The following MAST4 variants were observed in gnomAD, a reference collection of about 807,000 sequenced individuals.
MAST4 encodes microtubule associated serine/threonine kinase family member 4, also known as microtubule-associated serine/threonine-protein kinase 4.
Under a neutral mutation model 162.7 loss-of-function variants are expected in MAST4, and 89 were observed. The observed-to-expected ratio is 0.55, with a 90% CI of 0.46 to 0.65. MAST4 has a LOEUF of 0.65. Ranked by LOEUF, MAST4 falls within the 30% of genes least tolerant of loss-of-function variation. The pLI, the probability that MAST4 is intolerant of heterozygous loss-of-function variation, is 0.00. For missense variants in MAST4, 3,153 were observed against 3,374.0 expected, an observed-to-expected ratio of 0.93 and a Z score of 1.62; for synonymous variants, 1,479 against 1,361.1, an observed-to-expected ratio of 1.09 and a Z score of -1.91.
chr5:67,064,046 A>T (rs996259203), intron 5 of MAST4, among the ~76,000 whole-genome samples: 1 of 152,188 alleles, frequency 6.6e-6, no homozygotes, highest in South Asian at 2.1e-4. Context: ...TTGTTGTTAC[A>T]TAGGTCTGAA....
chr5:66,960,956 C>T (rs899442413), intron 4 of MAST4, among the ~76,000 whole-genome samples: 8 of 152,100 alleles, frequency 5.3e-5, no homozygotes, highest in Admixed American at 2.0e-4. Context: ...CAGGCCACGC[C>T]CCCTCCTTCT....
At chr5:66,599,892 C>T (rs1362332642) in intron 1 of MAST4, among the ~76,000 whole-genome samples, 4 of 150,942 alleles carry the variant, frequency 2.7e-5, no homozygotes, top group Non-Finnish European at 5.9e-5. Flanking sequence ...TTATGTCTAG[C>T]TTGGGAAATT....
At chr5:66,949,633 A>T (rs1053153347) in intron 4 of MAST4, among the ~76,000 whole-genome samples, 2 of 152,164 alleles carry the variant, frequency 1.3e-5, no homozygotes, top group Non-Finnish European at 2.9e-5. Flanking sequence ...ACAGGCAAGT[A>T]TTTAATTATT....
At chr5:67,024,334 T>TACACACAC (rs545603018) in intron 4 of MAST4, among the ~76,000 whole-genome samples, 2 of 133,292 alleles carry the variant, frequency 1.5e-5, no homozygotes, top group African/African-American at 3.4e-5. Flanking sequence ...TCTATATATA[T>TACACACAC]ATACACACAC....
chr5:66,675,927 C>G (rs1481231478), intron 1 of MAST4, among the ~76,000 whole-genome samples: 1 of 152,162 alleles, frequency 6.6e-6, no homozygotes, highest in Non-Finnish European at 1.5e-5. Context: ...AAAAGTTTGA[C>G]ATCTTTTTAA....
intron 1 of MAST4, among the ~76,000 whole-genome samples, chr5:66,757,550 A>G (rs1218154354): frequency 6.6e-6 from 1 of 152,194 alleles, no homozygotes; most frequent in Non-Finnish European, 1.5e-5. Context: ...GATTTGAGAC[A>G]CCTTATAAGA....
intron 3 of MAST4, among the ~76,000 whole-genome samples, chr5:66,832,883 C>T (rs1757710658): frequency 6.6e-6 from 1 of 152,142 alleles, no homozygotes; most frequent in Non-Finnish European, 1.5e-5. Flanking sequence ...TTCTTTGGGA[C>T]AGGAAGTATC....
intron 3 of MAST4, among the ~76,000 whole-genome samples, chr5:66,881,727 C>T (rs1761706688): frequency 6.6e-6 from 1 of 152,190 alleles, no homozygotes; most frequent in Admixed American, 6.5e-5. Flanking sequence ...GAAAAGATCA[C>T]AGACAAGGTT....
At chr5:66,685,894 G>A (rs1009769141) in intron 1 of MAST4, among the ~76,000 whole-genome samples, 5 of 152,078 alleles carry the variant, frequency 3.3e-5, no homozygotes, top group African/African-American at 1.2e-4. Context: ...GGTTTGGGGG[G>A]ATGGTTTCAG....
At chr5:66,801,780 C>G (rs1755934677) in intron 3 of MAST4, among the ~76,000 whole-genome samples, 1 of 152,144 alleles carries the variant, frequency 6.6e-6, no homozygotes, top group African/African-American at 2.4e-5. Context: ...AGAACTATTT[C>G]AAAGCTAATT....
At chr5:66,929,187 T>A (rs1484300069) in intron 4 of MAST4, among the ~76,000 whole-genome samples, 1 of 152,184 alleles carries the variant, frequency 6.6e-6, no homozygotes, top group East Asian at 1.9e-4. Flanking sequence ...ATTATCAGTC[T>A]GAGGCAGAAG....
chr5:66,673,966 T>C (rs1747791839), intron 1 of MAST4, among the ~76,000 whole-genome samples: 1 of 152,216 alleles, frequency 6.6e-6, no homozygotes, highest in Non-Finnish European at 1.5e-5. Flanking sequence ...AAAACAGCAT[T>C]ATATAATGTA....
At chr5:67,052,823 A>C (rs1561581280) in intron 4 of MAST4, among the ~76,000 whole-genome samples, 1 of 152,170 alleles carries the variant, frequency 6.6e-6, no homozygotes, top group Non-Finnish European at 1.5e-5. Flanking sequence ...CCAGGACATA[A>C]ATCTGTCATT....
intron 3 of MAST4, chr5:66,789,840 C>T: frequency 2.0e-6 from 1 of 488,306 alleles, no homozygotes; most frequent in Non-Finnish European, 4.1e-6. Flanking sequence ...ATGATTCTTG[C>T]CTGGATCACT....
rs991829945 is a variant in MAST4, at chr5:66,883,034, A to G, written c.643-16917A>G. Among the ~76,000 whole-genome samples the G allele has an allele frequency of 2.6e-5, 4 of 152,226 alleles. 1 individual carries two copies. Among genetic ancestry groups the G allele is most frequent in the Non-Finnish European group, 5.9e-5 (4 of 68,038 alleles). On this transcript the variant is annotated intron_variant, in intron 3 of 28. Transcript: ENST00000403625. ...AAAATAACCTGGGTAAGTAATAAAAATCATAGTTTAAAAAATCATAAAATA... is the reference window on the plus strand; with the variant it reads ...AAAATAACCTGGGTAAGTAATAAAAGTCATAGTTTAAAAAATCATAAAATA...
chr5:67,136,418 T>C (rs1561702537), intron 18 of MAST4, 145 bp from the exon 19 acceptor site: 1 of 590,492 alleles, frequency 1.7e-6, no homozygotes, highest in Non-Finnish European at 3.1e-6. Flanking sequence ...CTGAAGATCT[T>C]GTTGAAAGGC....
intron 1 of MAST4, among the ~76,000 whole-genome samples, chr5:66,674,310 G>A (rs1298744222): frequency 6.6e-6 from 1 of 152,152 alleles, no homozygotes; most frequent in Non-Finnish European, 1.5e-5. Context: ...ATATCCAGAG[G>A]CCAACCACCT....
intron 4 of MAST4, among the ~76,000 whole-genome samples, chr5:67,025,966 T>C (rs141638528): frequency 2.8e-3 from 434 of 152,312 alleles, no homozygotes; most frequent in African/African-American, 9.3e-3. Flanking sequence ...TGGCCATGAA[T>C]GTATAAAGAT....
intron 4 of MAST4, among the ~76,000 whole-genome samples, chr5:66,973,523 G>A (rs73766103): frequency 0.037 from 5,629 of 152,120 alleles, 340 homozygotes; most frequent in African/African-American, 0.13. Context: ...CCTCCTCATA[G>A]CATCACACCA....
Sources: allele counts gnomAD v4.1 joint callset (sites outside exome capture counted in the v4.1 genomes callset), GRCh38; gene constraint gnomAD v4.1.1; transcripts MANE v1.5; gene names NCBI Gene and HGNC (gene_info 2026-07-23, HGNC 2026-07-21).